DERL1: variants seen among roughly 807,000 people sequenced by gnomAD.
DERL1 encodes derlin-1.
DERL1 carries 24 observed loss-of-function variants against 41.6 expected under a neutral mutation model. That is an observed-to-expected ratio of 0.58 (90% CI 0.42 to 0.81). The LOEUF (loss-of-function observed/expected upper bound fraction) is 0.81. Ranked by LOEUF, DERL1 falls within the 30% of genes least tolerant of loss-of-function variation. The pLI is 0.00. For synonymous variants in DERL1, 124 were observed against 112.5 expected (o/e 1.10, Z -0.65); for missense variants, 260 against 314.3 (o/e 0.83, Z 1.31).
At position 123,030,628 on chromosome 8, in the gene DERL1, T is replaced by C. The variant is rs1347146125; in HGVS notation, c.242A>G (p.Gln81Arg). ...ACCTGTTTCAAGTCGCGTAGAATAC[T>C]GATATAAGAAATATAAATTGACCAA... Reference protein sequence around the residue: ...LYLVNLYFLYQYSTRLETGAF... With the variant: ...LYLVNLYFLYRYSTRLETGAF... The change falls in exon 2 of 8, where the codon CAG (glutamine) becomes CGG (arginine). Residue 81 changes from glutamine to arginine, a missense_variant. Physicochemically the swap from Gln to Arg is conservative, Grantham distance 43. Transcript: ENST00000259512. 3 of 1,607,032 alleles carry C rather than the reference T, an allele frequency of 1.9e-6. No individual in the cohort carries two copies. The highest frequency in any genetic ancestry group is 4.5e-5 in the East Asian group (2 of 44,738).
In DERL1 at chr8:123,037,497, C is replaced by A. The variant is rs570227724; in HGVS notation, c.153+4473G>T. On this transcript the variant is annotated intron_variant, in intron 1 of 7. Transcript: ENST00000259512. ...ATTGAGGCTCAGACAGGATAAATAA[C>A]TTGCCTAAGGGTACACAACTAGCAG... 4.3e-4 allele frequency among the ~76,000 whole-genome samples: 66 copies of A among 152,294 alleles called. 1 individual carries two copies. In the South Asian group the frequency reaches 0.013, roughly 31 times the overall value.
At position 123,042,141 on chromosome 8, in the gene DERL1, C is replaced by G. The variant is rs775722478; in HGVS notation, c.-19G>C. ...CCGACATCTTCGACCCACAGGTAGC[C>G]AAGATGCACAAGACCGCCCGACTCC... On this transcript the variant is annotated 5_prime_UTR_variant, in exon 1 of 8. Coordinates refer to ENST00000259512, the MANE Select transcript of DERL1 (RefSeq NM_024295.6). 7 of 1,592,920 alleles carry G rather than the reference C, an allele frequency of 4.4e-6. No individual in the cohort carries two copies. Among genetic ancestry groups the G allele is most frequent in the Non-Finnish European group, 5.1e-6 (6 of 1,166,764 alleles).
chr8:123,042,293 G>T lies in DERL1; in HGVS notation c.-171C>A. ...GCGCCACCGAATTCGGACCAGCGAGGCAGCCTTCTGAGGCGAAACTTCCCC... is the reference window on the plus strand; with the variant it reads ...GCGCCACCGAATTCGGACCAGCGAGTCAGCCTTCTGAGGCGAAACTTCCCC... On this transcript the variant is annotated 5_prime_UTR_variant, in exon 1 of 8. Coordinates refer to ENST00000259512, the MANE Select transcript of DERL1 (RefSeq NM_024295.6). 2 of 907,196 alleles carry T rather than the reference G, an allele frequency of 2.2e-6. No individual in the cohort carries two copies. The highest frequency in any genetic ancestry group is 3.1e-6 in the Non-Finnish European group (2 of 639,712). The allele number at this position is 907,196 out of a possible 1,614,324, so 56.2% of individuals were successfully genotyped here.
intron 1 of DERL1, among the ~76,000 whole-genome samples, chr8:123,040,578 G>A (rs1401222032): frequency 6.6e-6 from 1 of 152,178 alleles, no homozygotes; most frequent in Non-Finnish European, 1.5e-5. Flanking sequence ...AGACATGGTA[G>A]GATTCTGGAC....
chr8:123,028,513 T>C (rs1430875844), intron 2 of DERL1, among the ~76,000 whole-genome samples: 2 of 152,172 alleles, frequency 1.3e-5, no homozygotes, highest in Non-Finnish European at 2.9e-5. Flanking sequence ...GAAACTGTTC[T>C]GGAATTAGAT....
chr8:123,015,771 C>T (rs760748346), intron 7 of DERL1, 186 bp from the exon 8 acceptor site: 62 of 577,256 alleles, frequency 1.1e-4, no homozygotes, highest in Non-Finnish European at 1.5e-4. Context: ...TGACCACAGA[C>T]GGCATTCGTT....
chr8:123,040,050 T>C (rs58989441), intron 1 of DERL1, among the ~76,000 whole-genome samples: 1 of 152,150 alleles, frequency 6.6e-6, no homozygotes, highest in African/African-American at 2.4e-5. Flanking sequence ...AAACCCCGTC[T>C]CTACTAAAAT....
intron 2 of DERL1, among the ~76,000 whole-genome samples, chr8:123,026,104 A>G (rs1474684889): frequency 1.3e-5 from 2 of 152,140 alleles, no homozygotes; most frequent in East Asian, 1.9e-4. Context: ...AAGAAACCCA[A>G]CAAGTGTCAG....
chr8:123,041,332 T>C (rs916924677), intron 1 of DERL1, among the ~76,000 whole-genome samples: 6 of 152,240 alleles, frequency 3.9e-5, no homozygotes, highest in African/African-American at 1.4e-4. Flanking sequence ...ACAGAAATGT[T>C]ACTCTGGACT....
chr8:123,038,385 A>G (rs967227675), intron 1 of DERL1, among the ~76,000 whole-genome samples: 2 of 152,212 alleles, frequency 1.3e-5, no homozygotes, highest in African/African-American at 4.8e-5. Context: ...CATGTGTCCA[A>G]AATAGGCAAG....
At chr8:123,026,524 A>T (rs1373730229) in intron 2 of DERL1, among the ~76,000 whole-genome samples, 1 of 152,228 alleles carries the variant, frequency 6.6e-6, no homozygotes, top group Non-Finnish European at 1.5e-5. Context: ...CAGGCAGGAA[A>T]ATGTGCAGGT....
At chr8:123,024,255 T>C (rs1276484194) in intron 3 of DERL1, among the ~76,000 whole-genome samples, 2 of 152,210 alleles carry the variant, frequency 1.3e-5, no homozygotes, top group African/African-American at 2.4e-5. Flanking sequence ...TCATTCTACT[T>C]ACATTCTCAG....
rs1586458391 is a variant in DERL1 at position 123,019,177 on chromosome 8, C to T, written c.617+18G>A. On this transcript the variant is annotated intron_variant, in intron 7 of 7. Coordinates refer to ENST00000259512, the MANE Select transcript of DERL1 (RefSeq NM_024295.6). Reference sequence around the variant, plus strand: ...ACAGGCAGTAAAATGTTAGATGAGACAGGACAAAAACACTTACAAAAACTG... The same window carrying T: ...ACAGGCAGTAAAATGTTAGATGAGATAGGACAAAAACACTTACAAAAACTG... The T allele has an allele frequency of 6.6e-7, 1 of 1,526,018 alleles. No homozygotes were observed. 94.5% of individuals were successfully genotyped at this position (1,526,018 alleles called of 1,614,324 possible). A position where few individuals can be genotyped will look rare whatever the true frequency, so the allele number is the denominator to read the frequency against.
intron 1 of DERL1, among the ~76,000 whole-genome samples, chr8:123,032,150 C>A (rs918801828): frequency 6.6e-6 from 1 of 151,170 alleles, no homozygotes; most frequent in Admixed American, 6.6e-5. Context: ...TTTTTTCCCC[C>A]CCGAGATAGG....
intron 2 of DERL1, among the ~76,000 whole-genome samples, chr8:123,028,720 T>C (rs1404775427): frequency 6.6e-6 from 1 of 152,144 alleles, no homozygotes; most frequent in Non-Finnish European, 1.5e-5. Flanking sequence ...TGATCATAAA[T>C]GATCCACACT....
chr8:123,037,779 G>C (rs1812958697), intron 1 of DERL1, among the ~76,000 whole-genome samples: 1 of 152,154 alleles, frequency 6.6e-6, no homozygotes, highest in Non-Finnish European at 1.5e-5. Context: ...ACTTATCTCA[G>C]GATGACTGTC....
rs200496042 is a variant in DERL1 at position 123,015,435 on chromosome 8, G to A, written c.*12C>T. On this transcript the variant is annotated 3_prime_UTR_variant, in exon 8 of 8. Transcript: ENST00000259512. ...TGTGGCTTGAGAGGAGCGGCTGCCC[G>A]AGGCCGCCCCTTCACTGGTCTCCAA... 19 of 1,609,376 alleles carry A rather than the reference G, an allele frequency of 1.2e-5. No individual in the cohort carries two copies. Among genetic ancestry groups the A allele is most frequent in the Admixed American group, 5.0e-5 (3 of 59,564 alleles).
chr8:123,023,719 A>G lies in DERL1; in HGVS notation c.351T>C (p.Asp117=). 1.2e-6 allele frequency: 2 copies of G among 1,609,478 alleles called. No individual in the cohort carries two copies. The highest frequency in any genetic ancestry group is 4.5e-5 in the East Asian group (2 of 44,524). ...AGTTTAAATGGACACTTACCTGCAT[A>G]TCCATTGCTAAGCCAGTAATCTTGG... ...ICIVITGLAM[D]MQLLMIPLIM... is the part of the protein sequence containing the mutation. The change falls in exon 4 of 8, where the codon GAT becomes GAC. Residue 117 remains aspartate (D), a synonymous_variant. Coordinates refer to ENST00000259512, the MANE Select transcript of DERL1 (RefSeq NM_024295.6).
At chr8:123,029,339 T>C (rs1812771446) in intron 2 of DERL1, among the ~76,000 whole-genome samples, 2 of 151,946 alleles carry the variant, frequency 1.3e-5, no homozygotes, top group South Asian at 4.1e-4. Flanking sequence ...CCAATAGTAA[T>C]ATAATAGTCT....
Sources: allele counts gnomAD v4.1 joint callset (sites outside exome capture counted in the v4.1 genomes callset), GRCh38; gene constraint gnomAD v4.1.1; transcripts MANE v1.5; gene names NCBI Gene and HGNC (gene_info 2026-07-23, HGNC 2026-07-21).